TSHZ3: variants seen among roughly 807,000 people sequenced by gnomAD.
The protein encoded by TSHZ3 is teashirt zinc finger homeobox 3.
A neutral mutation model predicts 64.5 loss-of-function variants in TSHZ3; 10 were observed. The ratio of observed to expected loss-of-function variants is 0.16; its 90% CI spans 0.10 to 0.26. The LOEUF (loss-of-function observed/expected upper bound fraction) is 0.26. TSHZ3 is among the 10% of genes least tolerant of loss of function. The pLI, the probability that TSHZ3 is intolerant of heterozygous loss-of-function variation, is 1.00. For missense variants in TSHZ3, 1,242 were observed against 1,421.7 expected (o/e 0.87, Z 2.03); for synonymous variants, 608 against 593.1 (o/e 1.03, Z -0.36).
At chr19:31,220,168 C>A (rs560853411) in intron 4 of TSHZ3, among the ~76,000 whole-genome samples, 5 of 152,156 alleles carry the variant, frequency 3.3e-5, no homozygotes, top group Admixed American at 3.3e-4. Context: ...AACTATGCCA[C>A]ATTGGTGTAT....
At chr19:31,341,074 G>A (rs1917419181) in intron 1 of TSHZ3, among the ~76,000 whole-genome samples, 1 of 152,164 alleles carries the variant, frequency 6.6e-6, no homozygotes, top group South Asian at 2.1e-4. Context: ...GGGAAGGCAC[G>A]TGGAAACTGC....
upstream of TSHZ3, among the ~76,000 whole-genome samples, chr19:31,350,287 G>T (rs1469641986): frequency 4.6e-5 from 7 of 150,724 alleles, no homozygotes; most frequent in Non-Finnish European, 8.9e-5. Context: ...AGGACCCGCC[G>T]TAGCCACTTC....
chr19:31,279,269 G>A lies in TSHZ3; in HGVS notation c.524C>T (p.Thr175Met), dbSNP rs770463906. ...GCGGCTCTGTGACACCTGCTGCAGCGTCTTAGCCATGGCGCTCTGGTGCCA... is the reference window on the plus strand; with the variant it reads ...GCGGCTCTGTGACACCTGCTGCAGCATCTTAGCCATGGCGCTCTGGTGCCA... Reference protein sequence around the residue: ...FDWHQSAMAKTLQQVSQSRML... With the variant: ...FDWHQSAMAKMLQQVSQSRML... Residue 175 changes from threonine to methionine, a missense_variant, in exon 2 of 2, where the codon ACG (threonine) becomes ATG (methionine). This residue lies in a region of TSHZ3 where 555 missense variants were observed against 704.0 expected (regional missense o/e 0.79). Transcript: ENST00000240587. This position sits in a 1 kb window ranked among gnomAD's most constrained non-coding sequence, Gnocchi z 6.4. 68 of 1,614,120 alleles carry A rather than the reference G, an allele frequency of 4.2e-5. No homozygotes were observed. In the Admixed American group the frequency reaches 5.2e-4, roughly 12 times the overall value.
At chr19:31,272,861 G>A (rs56332101), downstream of TSHZ3, among the ~76,000 whole-genome samples, 1,710 of 152,218 alleles carry the variant, frequency 0.011, 33 homozygotes, top group African/African-American at 0.039. Flanking sequence ...GGTCACCCGC[G>A]CACCTGTGAT....
intron 4 of TSHZ3, among the ~76,000 whole-genome samples, chr19:31,220,248 C>T (rs1267651485): frequency 6.6e-6 from 1 of 152,114 alleles, no homozygotes; most frequent in Non-Finnish European, 1.5e-5. Flanking sequence ...GGAACAGGGG[C>T]CTGGAAACAT....
At chr19:31,193,876 A>G (rs1003330155) in intron 5 of TSHZ3, among the ~76,000 whole-genome samples, 2 of 152,212 alleles carry the variant, frequency 1.3e-5, no homozygotes, top group Admixed American at 6.5e-5. Context: ...GAATTAGTAG[A>G]AATTTTTTAG....
At chr19:31,240,883 A>G (rs1037550590) in intron 3 of TSHZ3, among the ~76,000 whole-genome samples, 9 of 152,052 alleles carry the variant, frequency 5.9e-5, no homozygotes, top group Non-Finnish European at 1.3e-4. Context: ...TGTATAGTTT[A>G]CATTTTTCTG....
intron 5 of TSHZ3, among the ~76,000 whole-genome samples, chr19:31,170,642 C>G (rs967783823): frequency 1.3e-5 from 2 of 152,202 alleles, no homozygotes; most frequent in African/African-American, 2.4e-5. Context: ...AGCTAGACTG[C>G]AAGCATCAGT....
Position 31,276,847 on chromosome 19 carries a change from C to G in TSHZ3, c.2946G>C (p.Ala982=), listed in dbSNP as rs775329332. ...GHPVFFCNDC[A]SQIRTPSTYI... ...ACGTGGAAGGAGTCCTGATTTGGGA[C>G]GCACAATCGTTACAAAAGAAGACGG... Residue 982 remains alanine (A), a synonymous_variant, in exon 2 of 2, where the codon GCG becomes GCC. Transcript: ENST00000240587. The G allele has an allele frequency of 1.3e-5, 21 of 1,614,066 alleles. No individual in the cohort carries two copies. The Middle Eastern group carries it at 4.9e-4, about 38-fold the overall frequency.
At chr19:31,265,775 T>C (rs987624760) in intron 1 of TSHZ3, among the ~76,000 whole-genome samples, 1 of 152,150 alleles carries the variant, frequency 6.6e-6, no homozygotes, top group African/African-American at 2.4e-5. Context: ...CCCTGAAGGT[T>C]GCTGAGCCAC....
chr19:31,326,767 C>T (rs1193463949), intron 1 of TSHZ3, among the ~76,000 whole-genome samples: 1 of 152,232 alleles, frequency 6.6e-6, no homozygotes, highest in Non-Finnish European at 1.5e-5. Context: ...AAGGCAGTTC[C>T]TCTGCTCAGG....
chr19:31,180,471 T>C (rs1198401339), intron 5 of TSHZ3, among the ~76,000 whole-genome samples: 1 of 152,186 alleles, frequency 6.6e-6, no homozygotes, highest in Non-Finnish European at 1.5e-5. Flanking sequence ...AGCTATGTGG[T>C]TTCCTGAAAT....
chr19:31,308,327 G>A (rs143723792), intron 1 of TSHZ3: 126 of 224,622 alleles, frequency 5.6e-4, no homozygotes, highest in African/African-American at 2.7e-3. Context: ...AGAACTGAGA[G>A]ATATTACTGC....
intron 1 of TSHZ3, among the ~76,000 whole-genome samples, chr19:31,314,840 A>G (rs1196199606): frequency 6.6e-6 from 1 of 152,196 alleles, no homozygotes; most frequent in African/African-American, 2.4e-5. Context: ...ATTTGGGGGC[A>G]CAGCTCCAGG....
chr19:31,259,002 T>C (rs1175473319), intron 1 of TSHZ3, among the ~76,000 whole-genome samples: 1 of 152,172 alleles, frequency 6.6e-6, no homozygotes, highest in African/African-American at 2.4e-5. Flanking sequence ...TGCTTACACA[T>C]AGTTGGTGGT....
chr19:31,211,274 C>T (rs1975256303), intron 4 of TSHZ3, among the ~76,000 whole-genome samples: 1 of 152,170 alleles, frequency 6.6e-6, no homozygotes, highest in African/African-American at 2.4e-5. Context: ...ATTCATTCAA[C>T]ATGCATTCAA....
At chr19:31,330,935 T>A (rs1917071988) in intron 1 of TSHZ3, among the ~76,000 whole-genome samples, 1 of 151,858 alleles carries the variant, frequency 6.6e-6, no homozygotes, top group Non-Finnish European at 1.5e-5. Flanking sequence ...CACGGGCATG[T>A]CCCCAGTCAC....
Position 31,282,267 on chromosome 19 carries a change from C to T in TSHZ3, c.41-2515G>A, listed in dbSNP as rs139268600. On this transcript the variant is annotated intron_variant, in intron 1 of 1. Transcript: ENST00000240587. ...TGTAGATGGGTGAAGATATCAAAGC[C>T]CCTTCTGTCCTGGAGATGCCTCTTG... Among the ~76,000 whole-genome samples, 169 of 150,036 alleles carry T rather than the reference C, an allele frequency of 1.1e-3. 1 individual carries two copies. In the East Asian group the frequency reaches 0.015, roughly 13 times the overall value.
At chr19:31,296,543 C>T (rs1413212808) in intron 1 of TSHZ3, among the ~76,000 whole-genome samples, 2 of 152,222 alleles carry the variant, frequency 1.3e-5, no homozygotes, top group Non-Finnish European at 2.9e-5. Context: ...ACCATGTTAG[C>T]CAGGCTGGTC....
Sources: allele counts gnomAD v4.1 joint callset (sites outside exome capture counted in the v4.1 genomes callset), GRCh38; gene constraint gnomAD v4.1.1; regional missense constraint gnomAD v4.1.1; non-coding constraint Gnocchi (gnomAD v3.1); transcripts MANE v1.5; gene names NCBI Gene and HGNC (gene_info 2026-07-23, HGNC 2026-07-21).